SH3KBP1: variants seen among roughly 807,000 people sequenced by gnomAD.
SH3KBP1 encodes the protein SH3 domain containing kinase binding protein 1.
In SH3KBP1, 8 loss-of-function variants were observed where a neutral mutation model predicts 50.1. The observed-to-expected ratio is 0.16, with a 90% CI of 0.09 to 0.29. The LOEUF (loss-of-function observed/expected upper bound fraction) is 0.29, where lower values mean the gene tolerates loss of function less well. Among genes scored for constraint, SH3KBP1 ranks in the 10% least tolerant of loss-of-function variants. The pLI is 1.00. For synonymous variants in SH3KBP1, 227 were observed against 218.6 expected, an observed-to-expected ratio of 1.04 and a Z score of -0.34; for missense variants, 377 against 535.2, an observed-to-expected ratio of 0.70 and a Z score of 2.92.
intron 13 of SH3KBP1, among the ~76,000 whole-genome samples, chrX:19,556,821 C>G (rs2065504468): frequency 9.1e-6 from 1 of 110,048 alleles, no homozygotes; most frequent in Non-Finnish European, 1.9e-5. Flanking sequence ...AGCTACCACA[C>G]CCAGTTATTT....
intron 6 of SH3KBP1, among the ~76,000 whole-genome samples, chrX:19,669,659 C>T (rs1194916510): frequency 8.9e-6 from 1 of 111,851 alleles, no homozygotes; most frequent in Non-Finnish European, 1.9e-5. Context: ...AGAACAAAGA[C>T]ATCCAGCATA....
intron 8 of SH3KBP1, among the ~76,000 whole-genome samples, chrX:19,613,985 G>C (rs994756966): frequency 8.9e-6 from 1 of 112,886 alleles, no homozygotes; most frequent in Non-Finnish European, 1.9e-5. Flanking sequence ...GGCCTGGTCC[G>C]AATCCCTGAG....
At position 19,673,379 on chromosome X, in the gene SH3KBP1, T is replaced by C. The variant is rs142171813; in HGVS notation, c.726+10444A>G. 2.5e-3 allele frequency among the ~76,000 whole-genome samples: 279 copies of C among 112,109 alleles called. 1 individual carries two copies. The highest frequency in any genetic ancestry group is 3.9e-3 in the Non-Finnish European group (205 of 53,227). ...TTCAAATTTAAAAATTGTCTCTATC[T>C]TCTTAGCCTATCTATTAATGAAGAT... On this transcript the variant is annotated intron_variant, in intron 6 of 17. Transcript: ENST00000397821.
intron 2 of SH3KBP1, among the ~76,000 whole-genome samples, chrX:19,831,918 T>C (rs2067909821): frequency 4.5e-5 from 5 of 111,347 alleles, no homozygotes; most frequent in Non-Finnish European, 7.5e-5. Flanking sequence ...ATATGATTAC[T>C]ATTACTTAAA....
At chrX:19,741,705 C>T (rs886545224) in intron 3 of SH3KBP1, among the ~76,000 whole-genome samples, 2 of 111,854 alleles carry the variant, frequency 1.8e-5, no homozygotes, top group Non-Finnish European at 3.8e-5. Context: ...AAGAAACGTG[C>T]AGCACTTTCT....
intron 9 of SH3KBP1, 21 bp downstream of exon 9, chrX:19,607,917 A>AT (rs747065251): frequency 7.6e-6 from 9 of 1,178,789 alleles, no homozygotes; most frequent in Non-Finnish European, 1.0e-5. Flanking sequence ...CTCCGCTGAA[A>AT]TCAAAGTGAA....
chrX:19,881,639 G>C (rs951067760), intron 1 of SH3KBP1, among the ~76,000 whole-genome samples: 2 of 111,387 alleles, frequency 1.8e-5, no homozygotes, highest in African/African-American at 6.5e-5. Context: ...TGGGTCCTGA[G>C]CTCAGAACAG....
At chrX:19,812,023 T>C (rs1341339583) in intron 2 of SH3KBP1, among the ~76,000 whole-genome samples, 1 of 111,935 alleles carries the variant, frequency 8.9e-6, no homozygotes, top group Non-Finnish European at 1.9e-5. Context: ...TGGGACCACC[T>C]GCCTCTAGAA....
intron 1 of SH3KBP1, among the ~76,000 whole-genome samples, chrX:19,852,887 A>T (rs2068547832): frequency 9.0e-6 from 1 of 111,502 alleles, no homozygotes; most frequent in South Asian, 3.7e-4. Flanking sequence ...AGAGAACAAT[A>T]AAAAAAAGAA....
intron 11 of SH3KBP1, among the ~76,000 whole-genome samples, chrX:19,590,769 A>G (rs1460276294): frequency 9.6e-6 from 1 of 104,227 alleles, no homozygotes; most frequent in Non-Finnish European, 2.0e-5. Flanking sequence ...CAGCCTCCCA[A>G]AGTAGCTGGG....
At chrX:19,560,753 C>T in intron 13 of SH3KBP1, among the ~76,000 whole-genome samples, 1 of 110,785 alleles carries the variant, frequency 9.0e-6, no homozygotes, top group South Asian at 3.8e-4. Flanking sequence ...TGGGTCATTT[C>T]ATCTTCTTTA....
intron 2 of SH3KBP1, among the ~76,000 whole-genome samples, chrX:19,828,968 A>G (rs947221371): frequency 9.0e-5 from 10 of 110,823 alleles, no homozygotes; most frequent in Non-Finnish European, 1.7e-4. Flanking sequence ...ATGAGGCTTC[A>G]GGCACAGGTA....
intron 13 of SH3KBP1, among the ~76,000 whole-genome samples, chrX:19,551,929 G>T (rs1310110587): frequency 9.0e-6 from 1 of 111,127 alleles, no homozygotes; most frequent in African/African-American, 3.3e-5. Flanking sequence ...TGTAATACAT[G>T]ATCAGCGTAT....
chrX:19,826,575 C>T (rs768714288), intron 2 of SH3KBP1, among the ~76,000 whole-genome samples: 3 of 110,212 alleles, frequency 2.7e-5, no homozygotes, highest in Admixed American at 9.7e-5. Context: ...CCCAGTTACT[C>T]GGGAGGCTGA....
At chrX:19,541,397 C>T (rs754038474) in intron 16 of SH3KBP1, among the ~76,000 whole-genome samples, 181 of 111,791 alleles carry the variant, frequency 1.6e-3, no homozygotes, top group Non-Finnish European at 2.3e-3. Context: ...TGCCCCGCCC[C>T]GCCCACTGCA....
At chrX:19,856,091 G>C (rs980336226) in intron 1 of SH3KBP1, among the ~76,000 whole-genome samples, 11 of 110,148 alleles carry the variant, frequency 1.0e-4, no homozygotes, top group Admixed American at 4.9e-4. Context: ...GGGAGACTGA[G>C]AGGTTTGCAC....
At chrX:19,619,162 G>C (rs1214905824) in intron 8 of SH3KBP1, among the ~76,000 whole-genome samples, 1 of 111,299 alleles carries the variant, frequency 9.0e-6, no homozygotes, top group Non-Finnish European at 1.9e-5. Flanking sequence ...TGTAATCCCA[G>C]CTACTCGGGA....
intron 3 of SH3KBP1, among the ~76,000 whole-genome samples, chrX:19,715,294 C>CA (rs1274098268): frequency 9.4e-6 from 1 of 105,961 alleles, no homozygotes; most frequent in Non-Finnish European, 1.9e-5. Context: ...AAAAAAACGC[C>CA]AAAAATCCCA....
chrX:19,833,512 A>C (rs1156623579), intron 2 of SH3KBP1, among the ~76,000 whole-genome samples: 1,539 of 21,406 alleles, frequency 0.072, no homozygotes, highest in Non-Finnish European at 0.083. Flanking sequence ...TTCCCAAAGT[A>C]CTCCTTCCTT....
Sources: allele counts gnomAD v4.1 joint callset (sites outside exome capture counted in the v4.1 genomes callset), GRCh38; gene constraint gnomAD v4.1.1; transcripts MANE v1.5; gene names NCBI Gene and HGNC (gene_info 2026-07-23, HGNC 2026-07-21).